TYW1B: variants seen among roughly 807,000 people sequenced by gnomAD.
The protein encoded by TYW1B is tRNA-yW synthesizing protein 1 homolog B, also known as S-adenosyl-L-methionine-dependent tRNA 4-demethylwyosine synthase TYW1B.
Under a neutral mutation model 86.9 loss-of-function variants are expected in TYW1B, and 73 were observed. The observed-to-expected ratio is 0.84, with a 90% CI of 0.70 to 1.02. TYW1B has a LOEUF of 1.02. TYW1B is among the 50% of genes least tolerant of loss of function. The probability of loss-of-function intolerance (pLI) is 0.00; values close to 1 mark genes in which losing one functional copy is unlikely to be tolerated. For missense variants in TYW1B, 637 were observed against 827.4 expected (o/e 0.77, Z 2.82); for synonymous variants, 248 against 292.8 (o/e 0.85, Z 1.56).
intron 6 of TYW1B, among the ~76,000 whole-genome samples, chr7:72,784,491 CTCCTTTTT>C (rs1185536955): frequency 1.3e-5 from 2 of 152,140 alleles, no homozygotes; most frequent in African/African-American, 4.8e-5. Flanking sequence ...ATTTTGATTT[CTCCTTTTT>C]TCCTTTATTC....
chr7:72,601,390 T>A (rs1391735807), intron 13 of TYW1B, among the ~76,000 whole-genome samples: 1 of 150,856 alleles, frequency 6.6e-6, no homozygotes, highest in Non-Finnish European at 1.5e-5. Flanking sequence ...CTGGCAAGGA[T>A]GTATAGCAAC....
At chr7:72,591,658 C>T (rs1459187807) in intron 13 of TYW1B, among the ~76,000 whole-genome samples, 42 of 151,972 alleles carry the variant, frequency 2.8e-4, no homozygotes, top group African/African-American at 9.9e-4. Flanking sequence ...CTAGATCTTC[C>T]CTGTAAGAAA....
chr7:72,671,711 C>T (rs1480384765), intron 11 of TYW1B, among the ~76,000 whole-genome samples: 1 of 151,748 alleles, frequency 6.6e-6, no homozygotes, highest in African/African-American at 2.4e-5. Context: ...GCTTATAGGT[C>T]TTTATTTAAT....
intron 11 of TYW1B, among the ~76,000 whole-genome samples, chr7:72,694,274 T>C (rs1304792071): frequency 2.0e-5 from 3 of 152,186 alleles, no homozygotes; most frequent in Non-Finnish European, 2.9e-5. Context: ...GCCTATGCCA[T>C]TTTATATAAA....
chr7:72,803,850 GTGA>G (rs1788448518), intron 5 of TYW1B, among the ~76,000 whole-genome samples: 1 of 151,840 alleles, frequency 6.6e-6, no homozygotes, highest in Non-Finnish European at 1.5e-5. Flanking sequence ...CTGACCTCAG[GTGA>G]TCCGCCCGCC....
intron 2 of TYW1B, among the ~76,000 whole-genome samples, chr7:72,825,916 C>T (rs562758024): frequency 1.6e-3 from 238 of 152,218 alleles, no homozygotes; most frequent in Non-Finnish European, 2.7e-3. Flanking sequence ...AGATGAAACC[C>T]GCCTACCATC....
chr7:72,826,891 G>T lies in TYW1B; in HGVS notation c.99C>A (p.Ser33Arg). 1 of 1,613,672 alleles carries T rather than the reference G, an allele frequency of 6.2e-7. No individual in the cohort carries two copies. The highest frequency in any genetic ancestry group is 8.5e-7 in the Non-Finnish European group (1 of 1,179,924). The change falls in exon 2 of 14, where the codon AGC becomes AGA. Residue 33 changes from serine to arginine, a missense_variant. Coordinates refer to ENST00000620995, the MANE Select transcript of TYW1B (RefSeq NM_001145440.3). ...TGACAATCTGGACACAAATCCAAAG[G>T]CTAATGCTAACAGCAAAGCCCAGAT... ...YIYLGFAVSI[S>R]LWICVQIVIE...
intron 7 of TYW1B, among the ~76,000 whole-genome samples, chr7:72,771,628 G>A (rs542481256): frequency 1.3e-5 from 2 of 151,680 alleles, no homozygotes; most frequent in Non-Finnish European, 2.9e-5. Flanking sequence ...CCAATCAACT[G>A]ATAACCTGAG....
chr7:72,613,224 T>A (rs1811979392), intron 13 of TYW1B, among the ~76,000 whole-genome samples: 1 of 152,098 alleles, frequency 6.6e-6, no homozygotes, highest in African/African-American at 2.4e-5. Flanking sequence ...CTGTGGCTGG[T>A]AGGCCCAATC....
At chr7:72,825,779 C>T (rs1554481331) in intron 2 of TYW1B, among the ~76,000 whole-genome samples, 1 of 152,166 alleles carries the variant, frequency 6.6e-6, no homozygotes, top group African/African-American at 2.4e-5. Flanking sequence ...TACTTCCATA[C>T]CCATGGGCAT....
intron 11 of TYW1B, among the ~76,000 whole-genome samples, chr7:72,692,220 A>G (rs1814185313): frequency 2.6e-5 from 4 of 151,350 alleles, no homozygotes; most frequent in Non-Finnish European, 2.9e-5. Flanking sequence ...AAAAAAAAAA[A>G]AAAAAAAAGA....
chr7:72,822,950 T>C (rs1178110067), intron 2 of TYW1B: 1 of 152,090 alleles, frequency 6.6e-6, no homozygotes, highest in African/African-American at 2.4e-5. Flanking sequence ...ACTAAAATCA[T>C]GCCACTGCAC....
At chr7:72,614,505 C>T (rs1213722244) in intron 13 of TYW1B, among the ~76,000 whole-genome samples, 2 of 152,036 alleles carry the variant, frequency 1.3e-5, no homozygotes, top group Non-Finnish European at 2.9e-5. Flanking sequence ...TGGTGGCTCA[C>T]GCCTGTAGTC....
At chr7:72,798,614 G>A (rs1455531799) in intron 6 of TYW1B, among the ~76,000 whole-genome samples, 1 of 152,116 alleles carries the variant, frequency 6.6e-6, no homozygotes, top group Non-Finnish European at 1.5e-5. Flanking sequence ...TAATGAAGCT[G>A]TATCTTTAAG....
At chr7:72,677,736 T>C (rs570866869) in intron 11 of TYW1B, among the ~76,000 whole-genome samples, 1 of 152,242 alleles carries the variant, frequency 6.6e-6, no homozygotes, top group East Asian at 1.9e-4. Context: ...GAAGTCTTGC[T>C]CTATCACCAG....
At chr7:72,755,423 C>G (rs1554465824) in intron 7 of TYW1B, among the ~76,000 whole-genome samples, 1 of 152,128 alleles carries the variant, frequency 6.6e-6, no homozygotes, top group East Asian at 1.9e-4. Flanking sequence ...TGCCTGTAAT[C>G]CCAGCACTTT....
At chr7:72,786,655 A>G (rs1313153693) in intron 6 of TYW1B, among the ~76,000 whole-genome samples, 1 of 147,482 alleles carries the variant, frequency 6.8e-6, no homozygotes, top group Non-Finnish European at 1.5e-5. Flanking sequence ...GGCTCACTAC[A>G]ACCTCCGTCT....
rs145655627 is a variant in TYW1B at position 72,737,333 on chromosome 7, A to C, written c.1082+7151T>G. ...TACCAGAAGCCATGGTAAATGAAATATCTCCATTTAATTAGACCTTTCTAA... is the reference window on the plus strand; with the variant it reads ...TACCAGAAGCCATGGTAAATGAAATCTCTCCATTTAATTAGACCTTTCTAA... On this transcript the variant is annotated intron_variant, in intron 8 of 13. Transcript: ENST00000620995. Among the ~76,000 whole-genome samples the C allele has an allele frequency of 7.2e-3, 1,094 of 152,368 alleles. 9 individuals are homozygous for C. The highest frequency in any genetic ancestry group is 0.024 in the African/African-American group (996 of 41,594).
intron 8 of TYW1B, among the ~76,000 whole-genome samples, chr7:72,729,918 C>T (rs1441154606): frequency 1.3e-5 from 2 of 152,174 alleles, no homozygotes; most frequent in African/African-American, 4.8e-5. Flanking sequence ...CCTCCACAAA[C>T]ACCCACAGTC....
Sources: allele counts gnomAD v4.1 joint callset (sites outside exome capture counted in the v4.1 genomes callset), GRCh38; gene constraint gnomAD v4.1.1; transcripts MANE v1.5; gene names NCBI Gene and HGNC (gene_info 2026-07-23, HGNC 2026-07-21).